UNC5D: variants seen among roughly 807,000 people sequenced by gnomAD.
UNC5D encodes the protein unc-5 netrin receptor D.
Under a neutral mutation model 105.4 loss-of-function variants are expected in UNC5D, and 39 were observed. The observed-to-expected ratio is 0.37, with a 90% confidence interval of 0.29 to 0.48. The LOEUF (loss-of-function observed/expected upper bound fraction) is 0.48, where lower values mean the gene tolerates loss of function less well. UNC5D is among the 20% of genes least tolerant of loss of function. The pLI is 0.98. For synonymous variants in UNC5D, 452 were observed against 450.4 expected (o/e 1.00, Z -0.04); for missense variants, 991 against 1,202.4 (o/e 0.82, Z 2.60).
At chr8:35,305,631 C>CTT (rs1563297986) in intron 1 of UNC5D, among the ~76,000 whole-genome samples, 1 of 87,774 alleles carries the variant, frequency 1.1e-5, no homozygotes, top group South Asian at 3.6e-4. Flanking sequence ...CTTTTTCTTT[C>CTT]TCTCTCTCTC....
chr8:35,568,791 TC>T (rs1817536704), intron 3 of UNC5D, among the ~76,000 whole-genome samples: 2 of 152,206 alleles, frequency 1.3e-5, no homozygotes, highest in Admixed American at 6.5e-5. Context: ...TGCAGGTGTC[TC>T]AACAATGCCA....
intron 1 of UNC5D, among the ~76,000 whole-genome samples, chr8:35,323,477 A>G (rs1809911998): frequency 6.6e-6 from 1 of 151,984 alleles, no homozygotes; most frequent in Admixed American, 6.6e-5. Flanking sequence ...TCTGCCCTTC[A>G]CCATTTTGAA....
chr8:35,268,179 A>G (rs897880360), intron 1 of UNC5D, among the ~76,000 whole-genome samples: 23 of 152,300 alleles, frequency 1.5e-4, no homozygotes, highest in African/African-American at 4.3e-4. Context: ...AAAATTTTCA[A>G]TGGTTTTCCA....
At chr8:35,243,715 G>A (rs961700116) in intron 1 of UNC5D, among the ~76,000 whole-genome samples, 1 of 152,146 alleles carries the variant, frequency 6.6e-6, no homozygotes. Context: ...TTCCCAAGCG[G>A]TTGGATCCTT....
At chr8:35,681,910 T>C (rs185670937) in intron 4 of UNC5D, among the ~76,000 whole-genome samples, 213 of 152,270 alleles carry the variant, frequency 1.4e-3, no homozygotes, top group African/African-American at 4.8e-3. Context: ...ATAAATCCCT[T>C]TTCAAAAAGA....
At chr8:35,724,134 G>A in intron 9 of UNC5D, 1 of 1,435,064 alleles carries the variant, frequency 7.0e-7, no homozygotes, top group Non-Finnish European at 9.1e-7. Flanking sequence ...GCCTACACCT[G>A]TCTGGGGAGT....
intron 1 of UNC5D, among the ~76,000 whole-genome samples, chr8:35,357,912 C>A (rs1267259826): frequency 6.6e-6 from 1 of 151,936 alleles, no homozygotes; most frequent in Non-Finnish European, 1.5e-5. Flanking sequence ...TTTCTTGTTT[C>A]TTTGCTTATT....
chr8:35,575,808 A>G (rs144764341), intron 3 of UNC5D, among the ~76,000 whole-genome samples: 48 of 152,206 alleles, frequency 3.2e-4, no homozygotes, highest in African/African-American at 1.1e-3. Context: ...TAGGAATACT[A>G]TTGCAGGGTT....
Position 35,382,156 on chromosome 8 carries a change from T to A in UNC5D, c.103+146269T>A, listed in dbSNP as rs371304480. 1.1e-4 allele frequency among the ~76,000 whole-genome samples: 16 copies of A among 152,322 alleles called. No individual in the cohort carries two copies. In the South Asian group the frequency reaches 2.1e-3, roughly 20 times the overall value. On this transcript the variant is annotated intron_variant, in intron 1 of 16. Transcript: ENST00000404895. ...ACAGTAGACCCAGCACAAAGCAGTC[T>A]GGAATAACCTTGAGGAGTTCACAGT...
chr8:35,431,071 A>G (rs1806599760), intron 1 of UNC5D, among the ~76,000 whole-genome samples: 2 of 152,246 alleles, frequency 1.3e-5, no homozygotes, highest in South Asian at 2.1e-4. Flanking sequence ...TGAATATTAA[A>G]TGATGGTAAA....
At chr8:35,482,565 A>C (rs1205180509) in intron 1 of UNC5D, among the ~76,000 whole-genome samples, 2 of 152,092 alleles carry the variant, frequency 1.3e-5, no homozygotes, top group African/African-American at 4.8e-5. Context: ...GGATCTGTGA[A>C]TTGAAATCTA....
chr8:35,456,742 T>C (rs1357761164), intron 1 of UNC5D, among the ~76,000 whole-genome samples: 2 of 152,098 alleles, frequency 1.3e-5, no homozygotes, highest in East Asian at 1.9e-4. Flanking sequence ...AAGTCAAGAG[T>C]TGTTAAATCT....
chr8:35,377,962 A>C (rs905257425), intron 1 of UNC5D, among the ~76,000 whole-genome samples: 3 of 152,132 alleles, frequency 2.0e-5, no homozygotes, highest in Non-Finnish European at 4.4e-5. Context: ...AGTGTCACTC[A>C]GAACTTTTCC....
At chr8:35,313,779 C>T (rs557667268) in intron 1 of UNC5D, among the ~76,000 whole-genome samples, 1 of 152,214 alleles carries the variant, frequency 6.6e-6, no homozygotes, top group Non-Finnish European at 1.5e-5. Context: ...GTTACATGGA[C>T]ATAATAACAG....
intron 1 of UNC5D, among the ~76,000 whole-genome samples, chr8:35,530,802 C>G (rs1333666527): frequency 2.1e-5 from 3 of 145,012 alleles, no homozygotes; most frequent in East Asian, 4.0e-4. Flanking sequence ...GGAATTTATC[C>G]ATTTCTTCTA....
In UNC5D at chr8:35,705,899, A is replaced by ACTTTCTTTTT. The variant is rs748597389; in HGVS notation, c.1085-21_1085-12dup. ...GCTCCATGTAAATTTATTAAATGCAACTTTCTTTTTCTTTCTTTCTTTCTT... is the reference window on the plus strand; with the variant it reads ...GCTCCATGTAAATTTATTAAATGCAACTTTCTTTTTCTTTCTTTTTCTTTCTTTCTTTCTT... On this transcript the variant is annotated intron_variant, in intron 7 of 16. Transcript: ENST00000404895. The ACTTTCTTTTT allele has an allele frequency of 3.8e-6, 5 of 1,306,360 alleles. No homozygotes were observed. In the South Asian group the frequency reaches 5.0e-5, roughly 13 times the overall value. The allele number at this position is 1,306,360 out of a possible 1,614,324, so 80.9% of individuals were successfully genotyped here. A position where few individuals can be genotyped will look rare whatever the true frequency, so the allele number is the denominator to read the frequency against.
At chr8:35,716,893 A>C (rs1392449673) in intron 8 of UNC5D, among the ~76,000 whole-genome samples, 2 of 152,210 alleles carry the variant, frequency 1.3e-5, no homozygotes, top group African/African-American at 2.4e-5. Flanking sequence ...TTTAACAATA[A>C]CTTCTGTTTC....
At chr8:35,372,086 T>C (rs937769288) in intron 1 of UNC5D, among the ~76,000 whole-genome samples, 3 of 152,224 alleles carry the variant, frequency 2.0e-5, no homozygotes, top group African/African-American at 7.2e-5. Context: ...GATGTATTAT[T>C]TGATTTGGCT....
chr8:35,417,430 T>A (rs1015366375), intron 1 of UNC5D, among the ~76,000 whole-genome samples: 1 of 150,298 alleles, frequency 6.7e-6, no homozygotes, highest in Non-Finnish European at 1.5e-5. Flanking sequence ...TTTGGGTACT[T>A]AGATTAAGCT....
Sources: allele counts gnomAD v4.1 joint callset (sites outside exome capture counted in the v4.1 genomes callset), GRCh38; gene constraint gnomAD v4.1.1; transcripts MANE v1.5; gene names NCBI Gene and HGNC (gene_info 2026-07-23, HGNC 2026-07-21).